The following SMG7 variants were observed in gnomAD, a reference collection of about 807,000 sequenced individuals.
The protein encoded by SMG7 is SMG7 nonsense mediated mRNA decay factor, also known as nonsense-mediated mRNA decay factor SMG7.
Under a neutral mutation model 148.2 loss-of-function variants are expected in SMG7, and 34 were observed. The ratio of observed to expected loss-of-function variants is 0.23; its 90% CI spans 0.17 to 0.31. SMG7 has a LOEUF of 0.31. SMG7 is among the 10% of genes least tolerant of loss of function. SMG7 has a pLI of 1.00. For missense variants in SMG7, 1,114 were observed against 1,408.4 expected (o/e 0.79, Z 3.35); for synonymous variants, 492 against 515.1 (o/e 0.96, Z 0.61).
rs1244175957 is a variant in SMG7, at chr1:183,472,508, G to A, written c.-113G>A. 9.8e-7 allele frequency: 1 copy of A among 1,016,028 alleles called. No individual in the cohort carries two copies. The highest frequency in any genetic ancestry group is 1.3e-6 in the Non-Finnish European group (1 of 749,694). 62.9% of individuals were successfully genotyped at this position (1,016,028 alleles called of 1,614,324 possible). A position where few individuals can be genotyped will look rare whatever the true frequency, so the allele number is the denominator to read the frequency against. ...CCCCCTGCCGAGCGAGGAGGAGCCG[G>A]AGGAGAGGAAGATGGCGGCGGCCGC... On this transcript the variant is annotated 5_prime_UTR_variant, in exon 1 of 23. Transcript: ENST00000688051.
At position 183,553,496 on chromosome 1, in the gene SMG7, A is replaced by C. The variant is rs1248860099; in HGVS notation, c.*1565A>C. 6.0e-6 allele frequency: 2 copies of C among 331,250 alleles called. No homozygotes were observed. The highest frequency in any genetic ancestry group is 1.1e-5 in the Non-Finnish European group (2 of 175,524). 20.5% of individuals were successfully genotyped at this position (331,250 alleles called of 1,614,324 possible). ...GTGTGGAACTTAAGAGCTGGAAGACAGCTGTAGAGCAAAGCACATCCAGGA... is the reference window on the plus strand; with the variant it reads ...GTGTGGAACTTAAGAGCTGGAAGACCGCTGTAGAGCAAAGCACATCCAGGA... On this transcript the variant is annotated 3_prime_UTR_variant, in exon 23 of 23. Coordinates refer to ENST00000688051, the MANE Select transcript of SMG7 (RefSeq NM_001375584.1).
chr1:183,479,938 G>A (rs370154927), intron 1 of SMG7, among the ~76,000 whole-genome samples: 3 of 152,152 alleles, frequency 2.0e-5, no homozygotes, highest in East Asian at 1.9e-4. Context: ...TTCCAAATAA[G>A]TTTTTTAAAA....
intron 1 of SMG7, among the ~76,000 whole-genome samples, chr1:183,512,541 T>C (rs7550421): frequency 2.0e-5 from 3 of 152,292 alleles, no homozygotes; most frequent in African/African-American, 7.2e-5. Flanking sequence ...TTTAATATTA[T>C]CTTAAGTAAA....
At chr1:183,536,367 A>G (rs866445400) in intron 10 of SMG7, among the ~76,000 whole-genome samples, 3 of 152,162 alleles carry the variant, frequency 2.0e-5, no homozygotes, top group Non-Finnish European at 2.9e-5. Flanking sequence ...TCTCACTTCA[A>G]AAATCTTGCC....
chr1:183,529,915 C>G (rs1666564020), intron 8 of SMG7, among the ~76,000 whole-genome samples: 1 of 152,074 alleles, frequency 6.6e-6, no homozygotes, highest in Non-Finnish European at 1.5e-5. Context: ...TTTTATTGTG[C>G]TTGCATTCAT....
chr1:183,520,068 G>A (rs10911353), intron 4 of SMG7, among the ~76,000 whole-genome samples: 48,046 of 150,990 alleles, frequency 0.32, 8,374 homozygotes, highest in East Asian at 0.52. Context: ...CCATAGATCA[G>A]TGCATATTTA....
chr1:183,547,149 T>A lies in SMG7; in HGVS notation c.2789T>A (p.Leu930Gln). 7 of 1,550,550 alleles carry A rather than the reference T, an allele frequency of 4.5e-6. No homozygotes were observed. Among genetic ancestry groups the A allele is most frequent in the Non-Finnish European group, 6.1e-6 (7 of 1,146,926 alleles). ...PLLPPDLLKSLAALEEEEELI... is the reference protein window; with the variant it reads ...PLLPPDLLKSQAALEEEEELI... ...CTTCCTCCGGACCTGTTAAAGAGTC[T>A]GGCTGCCTTGGAGGAAGAGGAAGAG... The change falls in exon 18 of 23, where the codon CTG becomes CAG. Residue 930 changes from leucine (L) to glutamine (Q), a missense_variant. Coordinates refer to ENST00000688051, the MANE Select transcript of SMG7 (RefSeq NM_001375584.1).
intron 1 of SMG7, among the ~76,000 whole-genome samples, chr1:183,486,063 C>T (rs1159866209): frequency 6.6e-6 from 1 of 152,092 alleles, no homozygotes; most frequent in East Asian, 1.9e-4. Context: ...TCCAGAAAGT[C>T]TTTCTTTGGA....
intron 1 of SMG7, among the ~76,000 whole-genome samples, chr1:183,484,824 C>G (rs529232187): frequency 1.8e-4 from 28 of 151,550 alleles, no homozygotes; most frequent in African/African-American, 6.5e-4. Context: ...TCATTTTGAC[C>G]TGTTGTTTGA....
intron 1 of SMG7, among the ~76,000 whole-genome samples, chr1:183,475,368 G>A (rs938368358): frequency 2.6e-5 from 4 of 152,154 alleles, no homozygotes; most frequent in Non-Finnish European, 2.9e-5. Flanking sequence ...CAAAGTGGTC[G>A]GGGAAATCCT....
intron 1 of SMG7, among the ~76,000 whole-genome samples, chr1:183,504,839 G>A (rs377429443): frequency 9.9e-5 from 15 of 151,982 alleles, no homozygotes; most frequent in African/African-American, 3.4e-4. Flanking sequence ...TTCTCTTGAC[G>A]TCTCCCTACC....
chr1:183,544,825 A>G (rs1288547735), intron 15 of SMG7, 105 bp from the exon 16 acceptor site: 29 of 1,108,814 alleles, frequency 2.6e-5, no homozygotes, highest in Non-Finnish European at 3.8e-5. Context: ...CTCTTTTGTG[A>G]TGTGTTAGAA....
At chr1:183,502,392 G>A in intron 1 of SMG7, 1 of 1,532,054 alleles carries the variant, frequency 6.5e-7, no homozygotes, top group East Asian at 2.5e-5. Flanking sequence ...GTAATATTAG[G>A]TAGGATGAAA....
rs999865861 is a variant in SMG7, at chr1:183,527,002, G to A, written c.484+235G>A. Among the ~76,000 whole-genome samples, 14 of 152,230 alleles carry A rather than the reference G, an allele frequency of 9.2e-5. No homozygotes were observed. The highest frequency in any genetic ancestry group is 2.6e-4 in the Admixed American group (4 of 15,294). On this transcript the variant is annotated intron_variant, in intron 5 of 22. Transcript: ENST00000688051. The surrounding 1 kb of genome is among the most constrained non-coding windows in gnomAD (Gnocchi z 4.0). The stretch of plus-strand genomic sequence containing the variant: ...GATTTAAATTTTATTCCAACTTTAT[G>A]TAATTTATATAGGCAAATAATAAAC...
chr1:183,545,382 A>C, intron 16 of SMG7, 70 bp downstream of exon 16: 1 of 1,511,262 alleles, frequency 6.6e-7, no homozygotes, highest in Non-Finnish European at 8.9e-7. Flanking sequence ...TCAATGTTAG[A>C]AATGCTCATT....
At position 183,512,849 on chromosome 1, in the gene SMG7, C is replaced by T. The variant is rs1373198400; in HGVS notation, c.42C>T (p.Val14=). ...TTTTTCTATCTAGGCAGGCAGAAGT[C>T]CTGAAGGCTGACATGACAGGTATTG... is the stretch of plus-strand genomic sequence containing the variant. ...QSAQYLRQAE[V]LKADMTDSKL... is the part of the protein sequence containing the mutation. Residue 14 remains valine (V), a synonymous_variant, in exon 2 of 23, where the codon GTC becomes GTT. Coordinates refer to ENST00000688051, the MANE Select transcript of SMG7 (RefSeq NM_001375584.1). 3.3e-6 allele frequency: 5 copies of T among 1,514,500 alleles called. No individual in the cohort carries two copies. Among genetic ancestry groups the T allele is most frequent in the Non-Finnish European group, 4.5e-6 (5 of 1,116,914 alleles). The allele number at this position is 1,514,500 out of a possible 1,614,324, so 93.8% of individuals were successfully genotyped here.
At position 183,540,993 on chromosome 1, in the gene SMG7, T is replaced by A; in HGVS notation, c.1305T>A (p.Asp435Glu). 6.2e-7 allele frequency: 1 copy of A among 1,612,112 alleles called. No individual in the cohort carries two copies. Among genetic ancestry groups the A allele is most frequent in the Non-Finnish European group, 8.5e-7 (1 of 1,178,982 alleles). Reference protein sequence around the residue: ...LALRPSFRNLDFSKGHQGITG... With the variant: ...LALRPSFRNLEFSKGHQGITG... ...CTTGTGTCAATTTTAGGAACTTGGATTTTTCCAAAGGTCACCAGGGTATTA... is the reference window on the plus strand; with the variant it reads ...CTTGTGTCAATTTTAGGAACTTGGAATTTTCCAAAGGTCACCAGGGTATTA... Residue 435 changes from aspartate (D) to glutamate (E), a missense_variant, in exon 13 of 23, where the codon GAT (aspartate) becomes GAA (glutamate). Around this residue, in one of 4 missense-constraint regions of SMG7, gnomAD observed 102 missense variants for 147.2 expected, o/e 0.69. Transcript: ENST00000688051.
At chr1:183,532,863 A>G (rs1196149358) in intron 8 of SMG7, among the ~76,000 whole-genome samples, 1 of 152,200 alleles carries the variant, frequency 6.6e-6, no homozygotes, top group Non-Finnish European at 1.5e-5. Context: ...TTATGGATGA[A>G]CACTCAAAGA....
At chr1:183,486,343 T>C (rs1655413305) in intron 1 of SMG7, among the ~76,000 whole-genome samples, 1 of 152,216 alleles carries the variant, frequency 6.6e-6, no homozygotes, top group Non-Finnish European at 1.5e-5. Context: ...TATTCTTCAT[T>C]GTTACATAAA....
Sources: allele counts gnomAD v4.1 joint callset (sites outside exome capture counted in the v4.1 genomes callset), GRCh38; gene constraint gnomAD v4.1.1; regional missense constraint gnomAD v4.1.1; non-coding constraint Gnocchi (gnomAD v3.1); transcripts MANE v1.5; gene names NCBI Gene and HGNC (gene_info 2026-07-23, HGNC 2026-07-21).